The following PIGG variants were observed in gnomAD, a reference collection of about 807,000 sequenced individuals.
The protein encoded by PIGG is phosphatidylinositol glycan anchor biosynthesis class G (EMM blood group), also known as GPI ethanolamine phosphate transferase 2, catalytic subunit.
In PIGG, 70 loss-of-function variants were observed where a neutral mutation model predicts 83.2. The ratio of observed to expected loss-of-function variants is 0.84; its 90% confidence interval spans 0.69 to 1.03. The LOEUF (loss-of-function observed/expected upper bound fraction) is 1.03, where lower values mean the gene tolerates loss of function less well. Ranked by LOEUF, PIGG falls within the 50% of genes least tolerant of loss-of-function variation. The pLI is 0.00. For synonymous variants in PIGG, 532 were observed against 519.5 expected (o/e 1.02, Z -0.33); for missense variants, 1,257 against 1,233.6 (o/e 1.02, Z -0.28).
rs1731663974 is a variant in PIGG at position 540,146 on chromosome 4, AGAGT to A, written c.*781_*784del. 1.3e-5 allele frequency: 2 copies of A among 152,116 alleles called. No individual in the cohort carries two copies. The highest frequency in any genetic ancestry group is 4.8e-5 in the African/African-American group (2 of 41,396). 9.4% of individuals were successfully genotyped at this position (152,116 alleles called of 1,614,324 possible). A position where few individuals can be genotyped will look rare whatever the true frequency, so the allele number is the denominator to read the frequency against. ...ACCACTGTACTCCAGCCAGGACAAC[AGAGT>A]GAGACTCTTGTCTTTAAAATGAAAA... On this transcript the variant is annotated 3_prime_UTR_variant, in exon 13 of 13. Coordinates refer to ENST00000453061, the MANE Select transcript of PIGG (RefSeq NM_001127178.3).
chr4:533,951 T>C lies in PIGG; in HGVS notation c.2705T>C (p.Leu902Ser), dbSNP rs1164928654. The C allele has an allele frequency of 6.2e-7, 1 of 1,614,194 alleles. No homozygotes were observed. The highest frequency in any genetic ancestry group is 8.5e-7 in the Non-Finnish European group (1 of 1,180,014). ...GGGCCTGTGCTGTGGGCCAGCCACT[T>C]AGTGCACTTCCTGAGCTCAGAAACA... ...YAGPVLWASH[L>S]VHFLSSETRS... The change falls in exon 12 of 13, where the codon TTA becomes TCA. Residue 902 changes from leucine to serine, a missense_variant. Transcript: ENST00000453061.
In PIGG at chr4:507,530, T is replaced by A; in HGVS notation, c.696T>A (p.Ile232=). The change falls in exon 4 of 13, where the codon ATT becomes ATA. Residue 232 remains isoleucine (I), a synonymous_variant. Coordinates refer to ENST00000453061, the MANE Select transcript of PIGG (RefSeq NM_001127178.3). ...TTTCAGGGCCCAACAGCCCCCTGATTGGGCAGAAGCTGAGCGAGATGGACA... is the reference window on the plus strand; with the variant it reads ...TTTCAGGGCCCAACAGCCCCCTGATAGGGCAGAAGCTGAGCGAGATGGACA... ...GHISGPNSPL[I]GQKLSEMDSV... is the part of the protein sequence containing the mutation. 1 of 1,614,248 alleles carries A rather than the reference T, an allele frequency of 6.2e-7. No individual in the cohort carries two copies. Among genetic ancestry groups the A allele is most frequent in the African/African-American group, 1.3e-5 (1 of 75,064 alleles).
chr4:511,524 C>A (rs893120674), intron 5 of PIGG, among the ~76,000 whole-genome samples: 2 of 152,184 alleles, frequency 1.3e-5, no homozygotes, highest in Non-Finnish European at 2.9e-5. Context: ...GCTGTGCCCC[C>A]ACCCGCCACC....
chr4:503,896 C>T (rs1339290699), intron 2 of PIGG, among the ~76,000 whole-genome samples: 1 of 145,458 alleles, frequency 6.9e-6, no homozygotes, highest in African/African-American at 2.6e-5. Context: ...AGAAAAGAGT[C>T]CAAAAGGATA....
intron 2 of PIGG, chr4:501,176 C>A (rs1717576702): frequency 2.2e-6 from 1 of 455,770 alleles, no homozygotes; most frequent in South Asian, 1.6e-5. Flanking sequence ...AAAAAGTAAG[C>A]CTTTATTGAT....
At chr4:537,800 C>T (rs1325527664) in intron 12 of PIGG, among the ~76,000 whole-genome samples, 6 of 152,152 alleles carry the variant, frequency 3.9e-5, no homozygotes, top group African/African-American at 1.2e-4. Context: ...GATGGGGAGC[C>T]GGTGGGGGGC....
At chr4:517,455 G>C (rs1450792494) in intron 6 of PIGG, among the ~76,000 whole-genome samples, 1 of 152,174 alleles carries the variant, frequency 6.6e-6, no homozygotes, top group Non-Finnish European at 1.5e-5. Context: ...CCTCAGGAGG[G>C]CACGACTTAG....
Position 534,191 on chromosome 4 carries a change from G to A in PIGG, c.2735+210G>A, listed in dbSNP as rs73794949. Among the ~76,000 whole-genome samples the A allele has an allele frequency of 4.3e-3, 657 of 152,270 alleles. 7 individuals carry two copies. The highest frequency in any genetic ancestry group is 0.015 in the African/African-American group (635 of 41,552). ...GTGTAGGGCCAGGGTCGGGTCTGAC[G>A]GGGCCTCGCCGGGCTCCCCAGGGTT... On this transcript the variant is annotated intron_variant, in intron 12 of 12. Coordinates refer to ENST00000453061, the MANE Select transcript of PIGG (RefSeq NM_001127178.3).
At chr4:499,739 A>G in intron 1 of PIGG, 1 of 1,346,752 alleles carries the variant, frequency 7.4e-7, no homozygotes, top group Non-Finnish European at 9.5e-7. Flanking sequence ...AGCTGTGTCC[A>G]TACCTGGGAT....
chr4:512,480 T>A (rs1553884158), intron 5 of PIGG, among the ~76,000 whole-genome samples: 2 of 151,778 alleles, frequency 1.3e-5, no homozygotes, highest in Non-Finnish European at 2.9e-5. Context: ...CTCCCAACCA[T>A]TATCATATTT....
In PIGG at chr4:500,384, TCAAAC is replaced by T; in HGVS notation, c.155-11_155-7del. On this transcript the variant is annotated splice_polypyrimidine_tract_variant and splice_region_variant and intron_variant, in intron 1 of 12. Coordinates refer to ENST00000453061, the MANE Select transcript of PIGG (RefSeq NM_001127178.3). ...AGAGTTCAATTTCCTTTTTTTTCTT[TCAAAC>T]ACTTAGGAGCCAGTTCTAACTGGAC... 6.2e-7 allele frequency: 1 copy of T among 1,606,102 alleles called. No homozygotes were observed. The highest frequency in any genetic ancestry group is 1.3e-5 in the African/African-American group (1 of 74,700).
chr4:501,081 GT>G (rs1252008550), intron 2 of PIGG: 6 of 455,928 alleles, frequency 1.3e-5, no homozygotes, highest in South Asian at 3.1e-5. Flanking sequence ...AATTACCACT[GT>G]TTCCACCATA....
intron 8 of PIGG, chr4:522,245 GC>G (rs912443407): frequency 5.2e-6 from 3 of 581,988 alleles, no homozygotes; most frequent in African/African-American, 1.9e-5. Context: ...AGAGGAACAA[GC>G]CCCCCCGCTG....
At chr4:538,277 G>A (rs1376997392) in intron 12 of PIGG, among the ~76,000 whole-genome samples, 1 of 151,988 alleles carries the variant, frequency 6.6e-6, no homozygotes, top group Admixed American at 6.5e-5. Context: ...CAGGGAAGTT[G>A]CTTTGAGGAA....
chr4:519,948 A>C (rs1020448446), intron 6 of PIGG, among the ~76,000 whole-genome samples: 4 of 143,568 alleles, frequency 2.8e-5, no homozygotes, highest in Non-Finnish European at 6.0e-5. Flanking sequence ...GTTCATGCTT[A>C]GGGACTTGGT....
chr4:516,318 A>G, intron 6 of PIGG, 133 bp downstream of exon 6: 1 of 640,594 alleles, frequency 1.6e-6, no homozygotes, highest in Non-Finnish European at 2.8e-6. Context: ...GATGATACAG[A>G]TTGTGTTTCT....
At chr4:503,719 A>G (rs1165105143) in intron 2 of PIGG, among the ~76,000 whole-genome samples, 1 of 152,154 alleles carries the variant, frequency 6.6e-6, no homozygotes, top group East Asian at 1.9e-4. Flanking sequence ...AAAAGATAAA[A>G]TGCTTGTGTT....
intron 12 of PIGG, among the ~76,000 whole-genome samples, chr4:537,985 AT>A (rs1165093021): frequency 1.4e-4 from 20 of 142,654 alleles, no homozygotes; most frequent in African/African-American, 4.9e-4. Context: ...CAGGACATGC[AT>A]GTGGGGCCCA....
Position 527,112 on chromosome 4 carries a change from G to A in PIGG, c.2143G>A (p.Gly715Arg). Residue 715 changes from glycine to arginine, a missense_variant, in exon 10 of 13, where the codon GGG becomes AGG. Physicochemically the swap from Gly to Arg is moderately radical, Grantham distance 125 (BLOSUM62 -2). Transcript: ENST00000453061. ...CGTAGTTTTTGTGCTGGTGCAGAGG[G>A]GGTGCTCCCCTGTGTCCAAGGCTGC... Reference protein sequence around the residue: ...LLVVFVLVQRGCSPVSKAALA... With the variant: ...LLVVFVLVQRRCSPVSKAALA... The A allele has an allele frequency of 6.2e-7, 1 of 1,614,170 alleles. No individual in the cohort carries two copies. Among genetic ancestry groups the A allele is most frequent in the Non-Finnish European group, 8.5e-7 (1 of 1,180,020 alleles).
Sources: gnomAD v4.1 joint callset for allele counts (sites outside exome capture counted in the v4.1 genomes callset) on GRCh38, gnomAD v4.1.1 for gene constraint, MANE v1.5 for transcripts, NCBI Gene and HGNC (gene_info 2026-07-23, HGNC 2026-07-21) for gene names.